Variants in OR7E24 observed in about 807,000 individuals in gnomAD.
OR7E24 encodes the protein olfactory receptor family 7 subfamily E member 24.
For missense variants in OR7E24, 385 were observed against 410.3 expected (o/e 0.94, Z 0.53); for synonymous variants, 130 against 157.5 (o/e 0.83, Z 1.31).
chr19:9,219,985 T>C, the OR7E24 span, among the ~76,000 whole-genome samples: 11,745 of 152,160 alleles, frequency 0.077, 715 homozygotes, highest in African/African-American at 0.18. Flanking sequence ...ATTTTATGGA[T>C]CCCTCGGTGT....
At chr19:9,228,089 A>G in the OR7E24 span, among the ~76,000 whole-genome samples, 1 of 152,194 alleles carries the variant, frequency 6.6e-6, no homozygotes, top group Admixed American at 6.5e-5. Flanking sequence ...GTGAGGAATC[A>G]TCACACTGTC....
the OR7E24 span, chr19:9,210,027 C>A: frequency 1.3e-5 from 2 of 152,144 alleles, no homozygotes; most frequent in African/African-American, 2.4e-5. Flanking sequence ...TTTGAGGAGA[C>A]ATATCAAATG....
At chr19:9,238,595 ATT>A in the OR7E24 span, among the ~76,000 whole-genome samples, 20 of 152,196 alleles carry the variant, frequency 1.3e-4, no homozygotes, top group Admixed American at 1.3e-3. Context: ...TATTAACTAT[ATT>A]CATCATAAAG....
At chr19:9,229,696 A>G in the OR7E24 span, among the ~76,000 whole-genome samples, 124 of 152,344 alleles carry the variant, frequency 8.1e-4, no homozygotes, top group Middle Eastern at 0.014. Flanking sequence ...CCATTCTGCT[A>G]TCTTCTTTGT....
chr19:9,233,131 C>A, the OR7E24 span, among the ~76,000 whole-genome samples: 1 of 152,278 alleles, frequency 6.6e-6, no homozygotes, highest in Non-Finnish European at 1.5e-5. Context: ...CCTTTTGAAT[C>A]ATGACCCAAT....
the OR7E24 span, among the ~76,000 whole-genome samples, chr19:9,229,653 C>T: frequency 6.6e-6 from 1 of 152,170 alleles, no homozygotes; most frequent in Non-Finnish European, 1.5e-5. Flanking sequence ...AAATTCATCT[C>T]CCACTACCGC....
chr19:9,245,594 T>C (rs2066126899), upstream of OR7E24, among the ~76,000 whole-genome samples: 1 of 152,168 alleles, frequency 6.6e-6, no homozygotes. Flanking sequence ...AACAGATATT[T>C]GTATAACCAT....
the OR7E24 span, among the ~76,000 whole-genome samples, chr19:9,232,995 C>G: frequency 6.6e-6 from 1 of 151,642 alleles, no homozygotes; most frequent in South Asian, 2.1e-4. Context: ...CTCTGACCCC[C>G]CTAACCCTCA....
the OR7E24 span, among the ~76,000 whole-genome samples, chr19:9,215,119 C>A: frequency 3.5e-4 from 53 of 152,100 alleles, no homozygotes; most frequent in African/African-American, 1.2e-3. Flanking sequence ...ACAAGGTGGG[C>A]AGATCACGAG....
At chr19:9,227,749 C>CTTTTTTTTTT in the OR7E24 span, among the ~76,000 whole-genome samples, 5 of 107,906 alleles carry the variant, frequency 4.6e-5, no homozygotes, top group East Asian at 5.4e-4. Context: ...AATGGTATTT[C>CTTTTTTTTTT]TTTTTTTTTT....
chr19:9,207,003 A>G, the OR7E24 span: 9 of 152,330 alleles, frequency 5.9e-5, no homozygotes, highest in African/African-American at 2.2e-4. Context: ...GAAGTTCTTC[A>G]AGGGATCAAG....
chr19:9,215,732 A>C, the OR7E24 span, among the ~76,000 whole-genome samples: 2 of 152,206 alleles, frequency 1.3e-5, no homozygotes, highest in African/African-American at 4.8e-5. Context: ...TATTACTATT[A>C]ATCTTATTAA....
the OR7E24 span, among the ~76,000 whole-genome samples, chr19:9,238,389 G>A: frequency 6.6e-6 from 1 of 152,142 alleles, no homozygotes; most frequent in East Asian, 1.9e-4. Flanking sequence ...CTTGTTGGCA[G>A]TTTGTATATC....
the OR7E24 span, among the ~76,000 whole-genome samples, chr19:9,218,645 G>C: frequency 2.0e-5 from 3 of 151,754 alleles, no homozygotes; most frequent in South Asian, 2.1e-4. Context: ...TTTTTTTTTG[G>C]GGGGGACATG....
chr19:9,223,800 T>G, the OR7E24 span, among the ~76,000 whole-genome samples: 4 of 149,808 alleles, frequency 2.7e-5, no homozygotes, highest in Non-Finnish European at 5.9e-5. Context: ...AGGTACAAGC[T>G]AAAGGCGTGG....
chr19:9,214,430 C>T, the OR7E24 span: 1 of 1,614,150 alleles, frequency 6.2e-7, no homozygotes, highest in Non-Finnish European at 8.5e-7. Context: ...GGCAGGGGTT[C>T]ATGATGACCG....
In OR7E24 at chr19:9,252,381, T is replaced by A. The variant is rs1220048093; in HGVS notation, c.*318T>A. On this transcript the variant is annotated 3_prime_UTR_variant, in exon 1 of 1. Transcript: ENST00000456448. Reference sequence around the variant, plus strand: ...AAGAGGTTTTTGGAAACTGCAACTTTAAAAAAAAAGCGCAGCAGGTCCTGA... The same window carrying A: ...AAGAGGTTTTTGGAAACTGCAACTTAAAAAAAAAAGCGCAGCAGGTCCTGA... 4.5e-5 allele frequency: 8 copies of A among 176,332 alleles called. No homozygotes were observed. Among genetic ancestry groups the A allele is most frequent in the Non-Finnish European group, 5.9e-5 (5 of 84,064 alleles). 10.9% of individuals were successfully genotyped at this position (176,332 alleles called of 1,614,324 possible).
At chr19:9,239,936 C>A in the OR7E24 span, among the ~76,000 whole-genome samples, 1 of 151,850 alleles carries the variant, frequency 6.6e-6, no homozygotes, top group Non-Finnish European at 1.5e-5. Context: ...CTCGAACTGA[C>A]CTCAAGTGAT....
chr19:9,214,375 A>T, the OR7E24 span: 1 of 1,614,134 alleles, frequency 6.2e-7, no homozygotes, highest in African/African-American at 1.3e-5. Flanking sequence ...ACCAGGGAGA[A>T]CCAGAAAATG....
Sources: allele counts gnomAD v4.1 joint callset (sites outside exome capture counted in the v4.1 genomes callset), GRCh38; gene constraint gnomAD v4.1.1; transcripts MANE v1.5; gene names NCBI Gene and HGNC (gene_info 2026-07-23, HGNC 2026-07-21).